ROR1: variants seen among roughly 807,000 people sequenced by gnomAD.
ROR1 encodes the protein ROR family WNT receptor 1, also known as inactive tyrosine-protein kinase transmembrane receptor ROR1.
Under a neutral mutation model 78.8 loss-of-function variants are expected in ROR1, and 19 were observed. That is an observed-to-expected ratio of 0.24 (90% confidence interval 0.17 to 0.35). ROR1 has a LOEUF of 0.35. Among genes scored for constraint, ROR1 ranks in the 10% least tolerant of loss-of-function variants. The pLI, the probability that ROR1 is intolerant of heterozygous loss-of-function variation, is 1.00. For synonymous variants in ROR1, 386 were observed against 433.6 expected, an observed-to-expected ratio of 0.89 and a Z score of 1.36; for missense variants, 917 against 1,177.8, an observed-to-expected ratio of 0.78 and a Z score of 3.24.
intron 2 of ROR1, among the ~76,000 whole-genome samples, chr1:64,017,046 C>T (rs1334951919): frequency 1.3e-5 from 2 of 151,816 alleles, no homozygotes; most frequent in African/African-American, 2.4e-5. Flanking sequence ...GCCTCCAAGT[C>T]GCTGGGACCA....
chr1:64,168,573 G>A (rs1384844770), intron 8 of ROR1, among the ~76,000 whole-genome samples: 1 of 152,068 alleles, frequency 6.6e-6, no homozygotes, highest in Non-Finnish European at 1.5e-5. Context: ...ACTGACTGAT[G>A]CAACTAGCTA....
At chr1:63,796,186 A>G (rs1644758751) in intron 1 of ROR1, among the ~76,000 whole-genome samples, 1 of 152,118 alleles carries the variant, frequency 6.6e-6, no homozygotes, top group African/African-American at 2.4e-5. Flanking sequence ...GGATGACATC[A>G]GGGCATAGCA....
At chr1:63,847,983 G>C (rs1438702324) in intron 1 of ROR1, among the ~76,000 whole-genome samples, 1 of 152,148 alleles carries the variant, frequency 6.6e-6, no homozygotes, top group Non-Finnish European at 1.5e-5. Flanking sequence ...CATGGAAAAG[G>C]TACTTCCTGA....
chr1:64,177,712 G>C lies in ROR1; in HGVS notation c.1671G>C (p.Gln557His), dbSNP rs1650423363. 2 of 1,614,008 alleles carry C rather than the reference G, an allele frequency of 1.2e-6. 1 individual carries two copies. The highest frequency in any genetic ancestry group is 2.2e-5 in the South Asian group (2 of 91,068). The change falls in exon 9 of 9, where the codon CAG becomes CAC. Residue 557 changes from glutamine to histidine, a missense_variant. Gln to His is a conservative substitution (Grantham distance 24). Coordinates refer to ENST00000371079, the MANE Select transcript of ROR1 (RefSeq NM_005012.4). ...GCATGCTTTTTGAGTATATTAATCA[G>C]GGGGATCTCCATGAGTTCCTCATCA... is the stretch of plus-strand genomic sequence containing the variant. ...PVCMLFEYIN[Q>H]GDLHEFLIMR...
At chr1:64,063,596 T>C (rs1162258393) in intron 4 of ROR1, among the ~76,000 whole-genome samples, 3 of 151,804 alleles carry the variant, frequency 2.0e-5, no homozygotes, top group Non-Finnish European at 4.4e-5. Flanking sequence ...TTAAAGATCA[T>C]CTGTTGCTGT....
At chr1:63,963,358 G>A (rs900914439) in intron 1 of ROR1, among the ~76,000 whole-genome samples, 6 of 79,814 alleles carry the variant, frequency 7.5e-5, no homozygotes, top group South Asian at 6.5e-4. Context: ...ACCTGAGGTC[G>A]GGAGTTTGAT....
chr1:64,030,802 A>G (rs1347927596), intron 2 of ROR1, among the ~76,000 whole-genome samples: 1 of 152,174 alleles, frequency 6.6e-6, no homozygotes, highest in Non-Finnish European at 1.5e-5. Flanking sequence ...TAGAAAACTT[A>G]TATTTAGATT....
chr1:63,881,348 C>T (rs1645321877), intron 1 of ROR1, among the ~76,000 whole-genome samples: 1 of 151,874 alleles, frequency 6.6e-6, no homozygotes, highest in Admixed American at 6.6e-5. Context: ...GCATTCAGAC[C>T]TCCTAAAATT....
At chr1:64,067,618 C>A (rs576326129) in intron 4 of ROR1, among the ~76,000 whole-genome samples, 1 of 151,050 alleles carries the variant, frequency 6.6e-6, no homozygotes, top group South Asian at 2.1e-4. Context: ...TCCACATTGA[C>A]AAAATTGGTT....
chr1:63,975,624 G>A (rs943233114), intron 1 of ROR1, among the ~76,000 whole-genome samples: 2 of 152,128 alleles, frequency 1.3e-5, no homozygotes, highest in Non-Finnish European at 2.9e-5. Flanking sequence ...GAACACACAC[G>A]AAGCGGTGCC....
intron 1 of ROR1, among the ~76,000 whole-genome samples, chr1:63,887,233 T>C (rs199599643): frequency 7.1e-6 from 1 of 139,934 alleles, no homozygotes; most frequent in Admixed American, 7.3e-5. Context: ...GATGGGGGGG[T>C]TTGGGGATGT....
At chr1:63,897,624 A>T (rs1645450696) in intron 1 of ROR1, among the ~76,000 whole-genome samples, 1 of 152,202 alleles carries the variant, frequency 6.6e-6, no homozygotes, top group Non-Finnish European at 1.5e-5. Flanking sequence ...CCTACTGTGG[A>T]GCTAGGTACC....
chr1:63,836,801 C>A (rs1258116582), intron 1 of ROR1, among the ~76,000 whole-genome samples: 1 of 152,186 alleles, frequency 6.6e-6, no homozygotes, highest in Admixed American at 6.5e-5. Flanking sequence ...TTTAAGAATG[C>A]CCCCTCCTAT....
intron 1 of ROR1, among the ~76,000 whole-genome samples, chr1:63,866,689 A>G (rs1396636141): frequency 6.6e-6 from 1 of 151,962 alleles, no homozygotes; most frequent in African/African-American, 2.4e-5. Flanking sequence ...CTTTCATTAG[A>G]TATAGTTATG....
intron 1 of ROR1, among the ~76,000 whole-genome samples, chr1:63,937,016 C>T (rs947852368): frequency 6.6e-6 from 1 of 152,082 alleles, no homozygotes. Flanking sequence ...CTGTCTGGAG[C>T]TTTGATAGTT....
chr1:63,862,473 T>C lies in ROR1; in HGVS notation c.91+87965T>C, dbSNP rs117166022. On this transcript the variant is annotated intron_variant, in intron 1 of 8. Coordinates refer to ENST00000371079, the MANE Select transcript of ROR1 (RefSeq NM_005012.4). ...ATTTCAAGAGGCTTACTTCACCTTCTCTGTCTGATCTCCGCCAAATATCTT... is the reference window on the plus strand; with the variant it reads ...ATTTCAAGAGGCTTACTTCACCTTCCCTGTCTGATCTCCGCCAAATATCTT... Among the ~76,000 whole-genome samples, 281 of 152,010 alleles carry C rather than the reference T, an allele frequency of 1.8e-3. 4 individuals carry two copies. The highest frequency in any genetic ancestry group is 0.018 in the East Asian group (94 of 5,182).
intron 2 of ROR1, 23 bp downstream of exon 2, chr1:64,009,399 G>A: frequency 6.3e-7 from 1 of 1,575,194 alleles, no homozygotes; most frequent in African/African-American, 1.3e-5. Flanking sequence ...GGCACACAGG[G>A]GAGGCGAGGA....
At chr1:64,070,541 A>G (rs1369402035) in intron 4 of ROR1, among the ~76,000 whole-genome samples, 1 of 152,082 alleles carries the variant, frequency 6.6e-6, no homozygotes, top group African/African-American at 2.4e-5. Context: ...GCTGGTCTCG[A>G]ATTCCTTGCC....
At chr1:64,071,994 C>T (rs1647007919) in intron 4 of ROR1, among the ~76,000 whole-genome samples, 1 of 152,090 alleles carries the variant, frequency 6.6e-6, no homozygotes. Flanking sequence ...ATGTTGTGGT[C>T]CATGGTTTAG....
Sources: gnomAD v4.1 joint callset for allele counts (sites outside exome capture counted in the v4.1 genomes callset) on GRCh38, gnomAD v4.1.1 for gene constraint, MANE v1.5 for transcripts, NCBI Gene and HGNC (gene_info 2026-07-23, HGNC 2026-07-21) for gene names.